MYLK4: variants seen among roughly 807,000 people sequenced by gnomAD.
MYLK4 encodes caMLCK like.
A neutral mutation model predicts 48.1 loss-of-function variants in MYLK4; 46 were observed. The observed-to-expected ratio is 0.96, with a 90% CI of 0.75 to 1.22. The LOEUF (loss-of-function observed/expected upper bound fraction) is 1.22. Among genes scored for constraint, MYLK4 ranks in the 50% most tolerant of loss-of-function variants. MYLK4 has a pLI of 0.00. For synonymous variants in MYLK4, 170 were observed against 180.8 expected (o/e 0.94, Z 0.48); for missense variants, 451 against 486.1 (o/e 0.93, Z 0.68).
At chr6:2,705,097 C>T (rs1271813382) in intron 2 of MYLK4, among the ~76,000 whole-genome samples, 5 of 152,228 alleles carry the variant, frequency 3.3e-5, no homozygotes, top group Non-Finnish European at 4.4e-5. Flanking sequence ...AACCAGATTG[C>T]TAAGCAAAAA....
Position 2,744,717 on chromosome 6 carries a change from G to A in MYLK4, c.159+4419C>T, listed in dbSNP as rs566288190. ...TTGTACCGGGCATTTAAACACTCCA[G>A]GGACAGTGGGGTCCCGAGTCTGCTG... is the stretch of plus-strand genomic sequence containing the variant. On this transcript the variant is annotated intron_variant, in intron 2 of 12. Transcript: ENST00000274643. Among the ~76,000 whole-genome samples the A allele has an allele frequency of 5.9e-5, 9 of 152,270 alleles. No individual in the cohort carries two copies. In the South Asian group the frequency reaches 1.9e-3, roughly 32 times the overall value.
chr6:2,767,144 C>G, the MYLK4 span, among the ~76,000 whole-genome samples: 7 of 152,234 alleles, frequency 4.6e-5, no homozygotes, highest in Middle Eastern at 3.4e-3. Context: ...GTTCTGTGTC[C>G]CTTCGTGAGG....
At position 2,706,240 on chromosome 6, in the gene MYLK4, G is replaced by A. The variant is rs187848239; in HGVS notation, c.160-13381C>T. Reference sequence around the variant, plus strand: ...TTTTCTGTGATGTTTAGAAGAGTAGGCAACTATAGATTAATTTGTGTTAGG... The same window carrying A: ...TTTTCTGTGATGTTTAGAAGAGTAGACAACTATAGATTAATTTGTGTTAGG... On this transcript the variant is annotated intron_variant, in intron 2 of 12. Transcript: ENST00000274643. Among the ~76,000 whole-genome samples, 3 of 152,258 alleles carry A rather than the reference G, an allele frequency of 2.0e-5. No individual in the cohort carries two copies. The East Asian group carries it at 5.8e-4, about 29-fold the overall frequency.
Position 2,692,833 on chromosome 6 carries a change from G to C in MYLK4, c.186C>G (p.Asp62Glu), listed in dbSNP as rs748929539. ...TTTTGACGGGCATCCTTTCCGTCAG[G>C]TCGGCGTTTGACCACACCTCCTTCG... ...NEAKEVWSNA[D>E]LTERMPVKSK... Residue 62 changes from aspartate (D) to glutamate (E), a missense_variant, in exon 3 of 13, where the codon GAC becomes GAG. Asp to Glu is a conservative substitution (Grantham distance 45). Coordinates refer to ENST00000274643, the MANE Select transcript of MYLK4 (RefSeq NM_001012418.5). 6.2e-7 allele frequency: 1 copy of C among 1,613,638 alleles called. No homozygotes were observed. Among genetic ancestry groups the C allele is most frequent in the Non-Finnish European group, 8.5e-7 (1 of 1,179,836 alleles).
chr6:2,770,061 G>C, the MYLK4 span: 1 of 1,606,400 alleles, frequency 6.2e-7, no homozygotes, highest in South Asian at 1.1e-5. Flanking sequence ...AACTTACATA[G>C]GATTCTGCAG....
intron 2 of MYLK4, among the ~76,000 whole-genome samples, chr6:2,721,165 A>G (rs1252203832): frequency 1.3e-5 from 2 of 152,196 alleles, no homozygotes; most frequent in Non-Finnish European, 2.9e-5. Context: ...TGTCTCAAAA[A>G]TAAATAAATA....
chr6:2,683,432 TG>T (rs1761405051), intron 6 of MYLK4, among the ~76,000 whole-genome samples: 3 of 147,178 alleles, frequency 2.0e-5, no homozygotes, highest in Admixed American at 7.1e-5. Flanking sequence ...TGTGTGTGTG[TG>T]TTTTGAGATG....
chr6:2,716,927 T>C (rs906348428), intron 2 of MYLK4, among the ~76,000 whole-genome samples: 2 of 152,234 alleles, frequency 1.3e-5, no homozygotes, highest in African/African-American at 4.8e-5. Flanking sequence ...AGACAGGCAT[T>C]ACACCAATAG....
At chr6:2,719,213 C>T (rs996684280) in intron 2 of MYLK4, among the ~76,000 whole-genome samples, 2 of 152,136 alleles carry the variant, frequency 1.3e-5, no homozygotes, top group Admixed American at 6.5e-5. Context: ...CACCCACATA[C>T]ACGAAAAAAC....
At chr6:2,724,382 A>T (rs1416845115) in intron 2 of MYLK4, among the ~76,000 whole-genome samples, 2 of 152,172 alleles carry the variant, frequency 1.3e-5, no homozygotes, top group African/African-American at 4.8e-5. Flanking sequence ...GTTCAGATCT[A>T]TAGGAGCTAT....
At chr6:2,688,720 A>G (rs1761658558) in intron 4 of MYLK4, 131 bp downstream of exon 4, 1 of 736,188 alleles carries the variant, frequency 1.4e-6, no homozygotes, top group Non-Finnish European at 2.3e-6. Context: ...ATTTTCAGAA[A>G]TGGTTACTGT....
At chr6:2,741,979 C>A (rs1009462297) in intron 2 of MYLK4, among the ~76,000 whole-genome samples, 1 of 152,014 alleles carries the variant, frequency 6.6e-6, no homozygotes, top group African/African-American at 2.4e-5. Context: ...CGATAAACAG[C>A]GAAAAATGAT....
intron 10 of MYLK4, among the ~76,000 whole-genome samples, chr6:2,676,720 CA>C (rs1178656875): frequency 2.0e-5 from 3 of 152,166 alleles, no homozygotes; most frequent in African/African-American, 7.2e-5. Flanking sequence ...GAGTGAGCGG[CA>C]CTGGAGCCCA....
rs186561330 is a variant in MYLK4 at position 2,699,624 on chromosome 6, C to A, written c.160-6765G>T. 5.8e-3 allele frequency among the ~76,000 whole-genome samples: 885 copies of A among 152,244 alleles called. 4 individuals are homozygous for A. The highest frequency in any genetic ancestry group is 0.02 in the African/African-American group (822 of 41,550). On this transcript the variant is annotated intron_variant, in intron 2 of 12. Coordinates refer to ENST00000274643, the MANE Select transcript of MYLK4 (RefSeq NM_001012418.5). ...TACCATATTTAACAGCCTCTGCTAG[C>A]AAGAAAAGACCGTGTGGAGCCCAGG... is the stretch of plus-strand genomic sequence containing the variant.
chr6:2,745,485 TGTTTAGATCTA>T (rs1466159862), intron 2 of MYLK4, among the ~76,000 whole-genome samples: 19 of 152,358 alleles, frequency 1.2e-4, no homozygotes, highest in African/African-American at 4.1e-4. Flanking sequence ...CGTGTACGTA[TGTTTAGATCTA>T]GTTTATTATG....
chr6:2,717,366 T>G (rs1009519854), intron 2 of MYLK4, among the ~76,000 whole-genome samples: 4 of 152,168 alleles, frequency 2.6e-5, no homozygotes, highest in African/African-American at 9.7e-5. Context: ...AGCAGGTCCC[T>G]AAGCAGACCT....
chr6:2,720,925 G>A (rs967523944), intron 2 of MYLK4, among the ~76,000 whole-genome samples: 3 of 152,178 alleles, frequency 2.0e-5, no homozygotes, highest in Non-Finnish European at 4.4e-5. Flanking sequence ...CACTTTGGGA[G>A]GTTGAGGTGG....
chr6:2,730,383 G>T (rs1489451081), intron 2 of MYLK4, among the ~76,000 whole-genome samples: 2 of 152,224 alleles, frequency 1.3e-5, no homozygotes, highest in African/African-American at 2.4e-5. Context: ...AGAAACAGGG[G>T]CAAGTGGTTG....
At chr6:2,705,170 T>C (rs1762440280) in intron 2 of MYLK4, among the ~76,000 whole-genome samples, 1 of 152,258 alleles carries the variant, frequency 6.6e-6, no homozygotes, top group African/African-American at 2.4e-5. Context: ...GTGCTTCTTA[T>C]TGATTTATTT....
Sources: allele counts gnomAD v4.1 joint callset (sites outside exome capture counted in the v4.1 genomes callset), GRCh38; gene constraint gnomAD v4.1.1; transcripts MANE v1.5; gene names NCBI Gene and HGNC (gene_info 2026-07-23, HGNC 2026-07-21).